Variants in TTC29 observed in about 807,000 individuals in gnomAD.
The protein encoded by TTC29 is tetratricopeptide repeat protein 29.
TTC29 carries 49 observed loss-of-function variants against 58.1 expected under a neutral mutation model. The observed-to-expected ratio is 0.84, with a 90% CI of 0.67 to 1.07. The LOEUF is 1.07. Ranked by LOEUF, TTC29 falls within the 50% of genes least tolerant of loss-of-function variation. The pLI, the probability that TTC29 is intolerant of heterozygous loss-of-function variation, is 0.00. For synonymous variants in TTC29, 209 were observed against 196.8 expected, an observed-to-expected ratio of 1.06 and a Z score of -0.52; for missense variants, 582 against 555.6, an observed-to-expected ratio of 1.05 and a Z score of -0.48.
chr4:146,927,037 C>A (rs13151973), intron 4 of TTC29, among the ~76,000 whole-genome samples: 40,391 of 146,192 alleles, frequency 0.28, 6,086 homozygotes, highest in South Asian at 0.4. Context: ...GTGGAGATTG[C>A]GCCACTGCAC....
intron 8 of TTC29, among the ~76,000 whole-genome samples, chr4:146,850,458 CT>C (rs1216010751): frequency 6.6e-6 from 1 of 152,206 alleles, no homozygotes; most frequent in Non-Finnish European, 1.5e-5. Flanking sequence ...GCTTCTGGAT[CT>C]TTTTGGTGCA....
chr4:146,914,601 C>G (rs1022397084), intron 4 of TTC29, among the ~76,000 whole-genome samples: 1 of 152,108 alleles, frequency 6.6e-6, no homozygotes, highest in Non-Finnish European at 1.5e-5. Context: ...CAAAAGTTGT[C>G]ACATTCGTGG....
At chr4:146,821,281 A>T (rs1751802513) in intron 9 of TTC29, among the ~76,000 whole-genome samples, 1 of 152,200 alleles carries the variant, frequency 6.6e-6, no homozygotes, top group Non-Finnish European at 1.5e-5. Context: ...GATAGCGGCC[A>T]TGGTTGCTCA....
At chr4:146,739,565 T>G (rs1427725966) in intron 11 of TTC29, among the ~76,000 whole-genome samples, 3 of 152,218 alleles carry the variant, frequency 2.0e-5, no homozygotes, top group South Asian at 4.1e-4. Context: ...ACAGGGCTTT[T>G]CATAGAGTAA....
At chr4:146,898,061 A>T (rs1175813840) in intron 6 of TTC29, among the ~76,000 whole-genome samples, 2 of 152,192 alleles carry the variant, frequency 1.3e-5, no homozygotes, top group Non-Finnish European at 2.9e-5. Context: ...AGAAAGCTGA[A>T]CCACTGCTTC....
chr4:146,734,271 T>C (rs1270829462), intron 11 of TTC29, among the ~76,000 whole-genome samples: 2 of 152,130 alleles, frequency 1.3e-5, no homozygotes, highest in Non-Finnish European at 2.9e-5. Flanking sequence ...TGTATAATTA[T>C]AAATTGGGGG....
At chr4:146,780,332 T>TGG (rs1748498760) in intron 11 of TTC29, among the ~76,000 whole-genome samples, 1 of 151,464 alleles carries the variant, frequency 6.6e-6, no homozygotes, top group African/African-American at 2.4e-5. Context: ...TGTGTGTGTG[T>TGG]GTGTGTGTGT....
rs1561066731 is a variant in TTC29 at position 146,728,848 on chromosome 4, T to TGTATATATATAC, written c.1331-21298_1331-21297insGTATATATATAC. On this transcript the variant is annotated intron_variant, in intron 11 of 12. Transcript: ENST00000325106. ...ATACATATATATACACATATATATG[T>TGTATATATATAC]ATATATATACACATATATATGTGTG... Among the ~76,000 whole-genome samples the TGTATATATATAC allele has an allele frequency of 1.8e-4, 12 of 67,400 alleles. 1 individual carries two copies. The highest frequency in any genetic ancestry group is 8.2e-4 in the South Asian group (1 of 1,216). 44.2% of individuals were successfully genotyped at this position (67,400 alleles called of 152,430 possible). A position where few individuals can be genotyped will look rare whatever the true frequency, so the allele number is the denominator to read the frequency against.
At chr4:146,780,331 G>C (rs1332500857) in intron 11 of TTC29, among the ~76,000 whole-genome samples, 2 of 151,290 alleles carry the variant, frequency 1.3e-5, no homozygotes. Context: ...GTGTGTGTGT[G>C]TGTGTGTGTG....
chr4:146,829,526 G>T (rs912437589), intron 9 of TTC29, among the ~76,000 whole-genome samples: 3 of 152,100 alleles, frequency 2.0e-5, no homozygotes, highest in African/African-American at 7.2e-5. Flanking sequence ...AATGCAAAAA[G>T]CTGTTCTTAA....
chr4:146,929,353 G>T (rs1735153168), intron 4 of TTC29, among the ~76,000 whole-genome samples: 1 of 151,680 alleles, frequency 6.6e-6, no homozygotes, highest in Admixed American at 6.6e-5. Flanking sequence ...GTCATGCCTT[G>T]CCCTTGTCCC....
At chr4:146,811,428 G>T (rs145790535) in intron 10 of TTC29, among the ~76,000 whole-genome samples, 293 of 152,128 alleles carry the variant, frequency 1.9e-3, no homozygotes, top group African/African-American at 6.5e-3. Flanking sequence ...ATCTACATTT[G>T]TAAAGGCTCT....
At chr4:146,780,646 A>G (rs1748523185) in intron 11 of TTC29, among the ~76,000 whole-genome samples, 1 of 151,922 alleles carries the variant, frequency 6.6e-6, no homozygotes, top group South Asian at 2.1e-4. Flanking sequence ...CCTTATCTCC[A>G]GTTCATCTCT....
chr4:146,888,709 T>C (rs1405065789), intron 6 of TTC29, among the ~76,000 whole-genome samples: 1 of 152,208 alleles, frequency 6.6e-6, no homozygotes, highest in Non-Finnish European at 1.5e-5. Context: ...CTGCTTTTCA[T>C]AAAGTGACAT....
chr4:146,903,767 A>C, intron 5 of TTC29, 38 bp from the exon 6 acceptor site: 19 of 1,455,800 alleles, frequency 1.3e-5, no homozygotes, highest in Non-Finnish European at 1.7e-5. Flanking sequence ...GGCATTAGAA[A>C]GATGTCTCAT....
At chr4:146,787,102 T>C (rs1749081311) in intron 11 of TTC29, among the ~76,000 whole-genome samples, 1 of 152,172 alleles carries the variant, frequency 6.6e-6, no homozygotes, top group South Asian at 2.1e-4. Flanking sequence ...TTTAGATATA[T>C]ATTATTTTCA....
In TTC29 at chr4:146,732,552, C is replaced by T. The variant is rs79709769; in HGVS notation, c.1331-25001G>A. On this transcript the variant is annotated intron_variant, in intron 11 of 12. Coordinates refer to ENST00000325106, the MANE Select transcript of TTC29 (RefSeq NM_031956.4). ...TTAAAATTGGCTTTGTGGAGGGCAG[C>T]GAAGTAGTTTGAAAAGTTTTGGGTT... Among the ~76,000 whole-genome samples, 22 of 152,046 alleles carry T rather than the reference C, an allele frequency of 1.4e-4. No individual in the cohort carries two copies. In the East Asian group the frequency reaches 3.9e-3, roughly 27 times the overall value.
At chr4:146,877,099 G>T (rs1334162227) in intron 6 of TTC29, among the ~76,000 whole-genome samples, 5 of 152,046 alleles carry the variant, frequency 3.3e-5, no homozygotes, top group African/African-American at 1.2e-4. Context: ...ATAGGAGACT[G>T]CAGGCCATGA....
rs1447536734 is a variant in TTC29, at chr4:146,820,125, T to A, written c.1101A>T (p.Lys367Asn). ...STMLGDIYNE[K>N]GYYNKASECF... is the part of the protein sequence containing the mutation. Reference sequence around the variant, plus strand: ...ATAAACAAGAAACACATAGACTCACTTTTTCATTGTAGATGTCCCCAAGCA... The same window carrying A: ...ATAAACAAGAAACACATAGACTCACATTTTCATTGTAGATGTCCCCAAGCA... Residue 367 changes from lysine to asparagine, a missense_variant and splice_region_variant, in exon 10 of 13, where the codon AAA becomes AAT. Physicochemically the swap from Lys to Asn is moderately conservative, Grantham distance 94. Coordinates refer to ENST00000325106, the MANE Select transcript of TTC29 (RefSeq NM_031956.4). 3 of 1,612,420 alleles carry A rather than the reference T, an allele frequency of 1.9e-6. No homozygotes were observed. In the East Asian group the frequency reaches 6.7e-5, roughly 36 times the overall value.
Sources: gnomAD v4.1 joint callset for allele counts (sites outside exome capture counted in the v4.1 genomes callset) on GRCh38, gnomAD v4.1.1 for gene constraint, MANE v1.5 for transcripts, NCBI Gene and HGNC (gene_info 2026-07-23, HGNC 2026-07-21) for gene names.